Variants in CLSTN2 observed in about 807,000 individuals in gnomAD.
CLSTN2 encodes the protein calsyntenin 2.
Under a neutral mutation model 101.2 loss-of-function variants are expected in CLSTN2, and 48 were observed. The observed-to-expected ratio is 0.47, with a 90% confidence interval of 0.38 to 0.60. The LOEUF is 0.60. Ranked by LOEUF, CLSTN2 falls within the 20% of genes least tolerant of loss-of-function variation. The pLI, the probability that CLSTN2 is intolerant of heterozygous loss-of-function variation, is 0.00. For synonymous variants in CLSTN2, 481 were observed against 463.6 expected (o/e 1.04, Z -0.48); for missense variants, 1,160 against 1,238.2 (o/e 0.94, Z 0.95).
chr3:140,324,083 A>AGG (rs2087309605), intron 2 of CLSTN2, among the ~76,000 whole-genome samples: 1 of 152,256 alleles, frequency 6.6e-6, no homozygotes, highest in South Asian at 2.1e-4. Flanking sequence ...GCTCAAGGGT[A>AGG]GGGACATGAT....
chr3:140,464,064 G>A (rs541028585), intron 7 of CLSTN2, among the ~76,000 whole-genome samples: 1 of 152,330 alleles, frequency 6.6e-6, no homozygotes, highest in East Asian at 1.9e-4. Flanking sequence ...AGAGGGTGGG[G>A]AGGTGAAGAT....
chr3:140,060,536 A>AGTGT (rs2008186201), intron 1 of CLSTN2, among the ~76,000 whole-genome samples: 1 of 152,130 alleles, frequency 6.6e-6, no homozygotes, highest in African/African-American at 2.4e-5. Flanking sequence ...CCCAGCTCTG[A>AGTGT]CACTTCCTGG....
intron 1 of CLSTN2, among the ~76,000 whole-genome samples, chr3:140,073,289 C>T (rs941255515): frequency 2.6e-5 from 4 of 152,224 alleles, no homozygotes; most frequent in African/African-American, 9.6e-5. Flanking sequence ...ATTATCCCAA[C>T]TCCAAAAACA....
intron 2 of CLSTN2, among the ~76,000 whole-genome samples, chr3:140,389,790 T>A (rs1444008567): frequency 1.3e-5 from 2 of 152,204 alleles, no homozygotes; most frequent in African/African-American, 4.8e-5. Flanking sequence ...CTCATCAGCA[T>A]CTGTTGTTTC....
intron 1 of CLSTN2, among the ~76,000 whole-genome samples, chr3:140,101,635 C>T (rs2008968040): frequency 6.6e-6 from 1 of 152,200 alleles, no homozygotes; most frequent in Non-Finnish European, 1.5e-5. Flanking sequence ...TTCCAAGTCT[C>T]AATGGTATAA....
intron 2 of CLSTN2, among the ~76,000 whole-genome samples, chr3:140,260,164 T>G (rs2086639351): frequency 6.7e-6 from 1 of 148,642 alleles, no homozygotes; most frequent in African/African-American, 2.4e-5. Flanking sequence ...ATATTATATA[T>G]AAAATACTGT....
chr3:140,532,592 A>G (rs1031248353), intron 9 of CLSTN2, 106 bp downstream of exon 9: 2 of 929,626 alleles, frequency 2.2e-6, no homozygotes, highest in Admixed American at 2.9e-5. Context: ...GTCTAGAAAA[A>G]TTACTACCCC....
At chr3:140,291,270 G>A (rs542749585) in intron 2 of CLSTN2, among the ~76,000 whole-genome samples, 9 of 151,866 alleles carry the variant, frequency 5.9e-5, no homozygotes, top group Non-Finnish European at 1.0e-4. Context: ...TCATGGCCCC[G>A]CCTCCTCACT....
At chr3:140,180,905 G>C (rs949757243) in intron 2 of CLSTN2, among the ~76,000 whole-genome samples, 1 of 152,204 alleles carries the variant, frequency 6.6e-6, no homozygotes, top group Admixed American at 6.5e-5. Context: ...GCCTGCTAGT[G>C]TATCTGCCTC....
At chr3:140,151,878 C>T (rs900279799) in intron 1 of CLSTN2, among the ~76,000 whole-genome samples, 5 of 152,118 alleles carry the variant, frequency 3.3e-5, no homozygotes, top group Non-Finnish European at 7.3e-5. Flanking sequence ...AAGATACATT[C>T]TTATAAGGAG....
intron 2 of CLSTN2, among the ~76,000 whole-genome samples, chr3:140,308,268 C>G (rs1010431980): frequency 6.6e-6 from 1 of 152,214 alleles, no homozygotes; most frequent in African/African-American, 2.4e-5. Context: ...CCTCAGTTTT[C>G]CAGGCCACCT....
In CLSTN2 at chr3:140,221,577, A is replaced by G. The variant is rs549963419; in HGVS notation, c.232+45504A>G. Among the ~76,000 whole-genome samples, 13 of 152,328 alleles carry G rather than the reference A, an allele frequency of 8.5e-5. No homozygotes were observed. In the South Asian group the frequency reaches 2.7e-3, roughly 32 times the overall value. Reference sequence around the variant, plus strand: ...AATGGGAGAAAATTATTTGCAAACTATCTATCTGACAAGGGGATTAATAAC... The same window carrying G: ...AATGGGAGAAAATTATTTGCAAACTGTCTATCTGACAAGGGGATTAATAAC... On this transcript the variant is annotated intron_variant, in intron 2 of 16. Coordinates refer to ENST00000458420, the MANE Select transcript of CLSTN2 (RefSeq NM_022131.3).
At position 140,404,712 on chromosome 3, in the gene CLSTN2, A is replaced by C. The variant is rs2088283476; in HGVS notation, c.583A>C (p.Ile195Leu). 1.2e-6 allele frequency: 2 copies of C among 1,614,172 alleles called. No homozygotes were observed. Among genetic ancestry groups the C allele is most frequent in the Non-Finnish European group, 1.7e-6 (2 of 1,180,040 alleles). ...GGACTGCTCCCCACAGTACAGCCAG[A>C]TCTGCAACTATGAAATCGTCACCAC... is the stretch of plus-strand genomic sequence containing the variant. ...DEDCSPQYSQ[I>L]CNYEIVTTDV... is the part of the protein sequence containing the mutation. Residue 195 changes from isoleucine (I) to leucine (L), a missense_variant, in exon 4 of 17, where the codon ATC (isoleucine) becomes CTC (leucine). Coordinates refer to ENST00000458420, the MANE Select transcript of CLSTN2 (RefSeq NM_022131.3).
rs113195464 is a variant in CLSTN2 at position 140,167,103 on chromosome 3, C to T, written c.110-8848C>T. ...TTCTTTCTGGAAAGGAGATGGTTCT[C>T]CAGCATCCCATGAAGCCAAGGTTTG... On this transcript the variant is annotated intron_variant, in intron 1 of 16. Transcript: ENST00000458420. 3.0e-3 allele frequency among the ~76,000 whole-genome samples: 461 copies of T among 152,296 alleles called. 1 individual carries two copies. Among genetic ancestry groups the T allele is most frequent in the Non-Finnish European group, 4.9e-3 (336 of 68,016 alleles).
chr3:140,275,352 A>G (rs2086784034), intron 2 of CLSTN2, among the ~76,000 whole-genome samples: 1 of 151,854 alleles, frequency 6.6e-6, no homozygotes, highest in South Asian at 2.1e-4. Context: ...AGCTCACTGC[A>G]GACTTCAACT....
intron 1 of CLSTN2, among the ~76,000 whole-genome samples, chr3:140,039,376 A>G (rs1231033038): frequency 2.0e-5 from 3 of 152,162 alleles, no homozygotes; most frequent in African/African-American, 2.4e-5. Context: ...CATTTTGCCA[A>G]ATTTCTTTCC....
At chr3:140,121,245 G>A (rs1448965485) in intron 1 of CLSTN2, among the ~76,000 whole-genome samples, 2 of 152,144 alleles carry the variant, frequency 1.3e-5, no homozygotes, top group Non-Finnish European at 2.9e-5. Flanking sequence ...GAGGGATGCA[G>A]TCAGCCCAGA....
At chr3:140,262,605 T>C (rs562689777) in intron 2 of CLSTN2, among the ~76,000 whole-genome samples, 1 of 152,266 alleles carries the variant, frequency 6.6e-6, no homozygotes, top group African/African-American at 2.4e-5. Flanking sequence ...GTAATTGTTT[T>C]AGTAAAGAAA....
chr3:140,183,795 T>C (rs1266978238), intron 2 of CLSTN2, among the ~76,000 whole-genome samples: 2 of 152,218 alleles, frequency 1.3e-5, no homozygotes, highest in Non-Finnish European at 2.9e-5. Flanking sequence ...CACTATATCA[T>C]AATTTTAACA....
Sources: allele counts gnomAD v4.1 joint callset (sites outside exome capture counted in the v4.1 genomes callset), GRCh38; gene constraint gnomAD v4.1.1; transcripts MANE v1.5; gene names NCBI Gene and HGNC (gene_info 2026-07-23, HGNC 2026-07-21).